RBFOX3: variants seen among roughly 807,000 people sequenced by gnomAD.
The protein encoded by RBFOX3 is RNA binding protein fox-1 homolog 3.
Under a neutral mutation model 48.7 loss-of-function variants are expected in RBFOX3, and 17 were observed. That is an observed-to-expected ratio of 0.35 (90% CI 0.24 to 0.52). The LOEUF (loss-of-function observed/expected upper bound fraction) is 0.52, where lower values mean the gene tolerates loss of function less well. Ranked by LOEUF, RBFOX3 falls within the 20% of genes least tolerant of loss-of-function variation. The probability of loss-of-function intolerance (pLI) is 0.94; values close to 1 mark genes in which losing one functional copy is unlikely to be tolerated. For missense variants in RBFOX3, 382 were observed against 497.5 expected (o/e 0.77, Z 2.21); for synonymous variants, 212 against 209.5 (o/e 1.01, Z -0.10).
intron 1 of RBFOX3, among the ~76,000 whole-genome samples, chr17:79,541,598 C>T (rs2089703516): frequency 6.6e-6 from 1 of 152,164 alleles, no homozygotes; most frequent in Admixed American, 6.5e-5. Context: ...CCTTGACACA[C>T]GAGCCCATGT....
intron 1 of RBFOX3, among the ~76,000 whole-genome samples, chr17:79,570,239 T>C (rs1004112799): frequency 1.3e-5 from 2 of 151,310 alleles, no homozygotes; most frequent in Non-Finnish European, 2.9e-5. Flanking sequence ...AGATGGATGG[T>C]ATATGAACAG....
intron 2 of RBFOX3, among the ~76,000 whole-genome samples, chr17:79,384,401 C>T (rs1370026836): frequency 2.0e-5 from 3 of 152,138 alleles, no homozygotes; most frequent in Non-Finnish European, 2.9e-5. Context: ...TTGTAAGGGG[C>T]TGGTCCACCT....
Position 79,090,707 on chromosome 17 carries a change from G to A in RBFOX3, c.*176C>T, listed in dbSNP as rs1488805269. The stretch of plus-strand genomic sequence containing the variant: ...GGCGCCCCTGCCGGCGTGCTCCCTC[G>A]GTGCGGGCGTGTGGCCAGGACGCGG... On this transcript the variant is annotated 3_prime_UTR_variant, in exon 15 of 15. Transcript: ENST00000693108. 7 of 779,320 alleles carry A rather than the reference G, an allele frequency of 9.0e-6. No individual in the cohort carries two copies. Among genetic ancestry groups the A allele is most frequent in the South Asian group, 8.0e-5 (4 of 49,876 alleles). 48.3% of individuals were successfully genotyped at this position (779,320 alleles called of 1,614,324 possible). A position where few individuals can be genotyped will look rare whatever the true frequency, so the allele number is the denominator to read the frequency against.
intron 4 of RBFOX3, among the ~76,000 whole-genome samples, chr17:79,227,580 C>G (rs1317399864): frequency 6.6e-6 from 1 of 152,230 alleles, no homozygotes; most frequent in East Asian, 1.9e-4. Flanking sequence ...CCCGCTCATT[C>G]CCGGCTGGCT....
At position 79,252,336 on chromosome 17, in the gene RBFOX3, G is replaced by C. The variant is rs2064096683; in HGVS notation, c.-73-16531C>G. Among the ~76,000 whole-genome samples, 1 of 152,152 alleles carries C rather than the reference G, an allele frequency of 6.6e-6. No homozygotes were observed. The highest frequency in any genetic ancestry group is 6.6e-5 in the Admixed American group (1 of 15,266). The stretch of plus-strand genomic sequence containing the variant: ...CCAGACTGCTCTGTCCCACATGGCT[G>C]AGGCTCAGGGTCTTCTCCCAGAAAC... On this transcript the variant is annotated intron_variant, in intron 3 of 14. Transcript: ENST00000693108. The surrounding 1 kb of genome is among the most constrained non-coding windows in gnomAD (Gnocchi z 4.0).
At chr17:79,654,601 G>T in the RBFOX3 span, among the ~76,000 whole-genome samples, 1 of 152,260 alleles carries the variant, frequency 6.6e-6, no homozygotes, top group East Asian at 1.9e-4. Flanking sequence ...TCGGTGTAAG[G>T]GAAGGAGTCC....
chr17:79,169,767 A>T (rs1176165514), intron 4 of RBFOX3, among the ~76,000 whole-genome samples: 3 of 152,218 alleles, frequency 2.0e-5, no homozygotes, highest in Admixed American at 6.5e-5. Context: ...TCTTGTTAAG[A>T]TGGTGAAAAT....
chr17:79,619,806 C>T, the RBFOX3 span, among the ~76,000 whole-genome samples: 1 of 152,170 alleles, frequency 6.6e-6, no homozygotes, highest in African/African-American at 2.4e-5. Context: ...ATCTCCCCTC[C>T]TCCAGCCCTG....
At chr17:79,145,707 C>T (rs1457303536) in intron 4 of RBFOX3, among the ~76,000 whole-genome samples, 1 of 152,224 alleles carries the variant, frequency 6.6e-6, no homozygotes, top group African/African-American at 2.4e-5. Context: ...ACAGGCAAGG[C>T]GTTCGGCAAA....
chr17:79,545,322 G>A (rs1452119760), intron 1 of RBFOX3, among the ~76,000 whole-genome samples: 5 of 152,304 alleles, frequency 3.3e-5, no homozygotes, highest in East Asian at 1.9e-4. Flanking sequence ...GGCCAGCCGT[G>A]TTTGGGTTTT....
At chr17:79,200,549 G>A (rs576569416) in intron 4 of RBFOX3, among the ~76,000 whole-genome samples, 1 of 152,302 alleles carries the variant, frequency 6.6e-6, no homozygotes, top group South Asian at 2.1e-4. Context: ...GCAGAAGCCA[G>A]GGACCCCACA....
At chr17:79,308,096 A>C (rs1241915562) in intron 2 of RBFOX3, among the ~76,000 whole-genome samples, 1 of 152,184 alleles carries the variant, frequency 6.6e-6, no homozygotes, top group African/African-American at 2.4e-5. Context: ...TCAAAACCGA[A>C]GCTGGGGTCA....
intron 3 of RBFOX3, among the ~76,000 whole-genome samples, chr17:79,263,940 G>A (rs768459676): frequency 6.6e-6 from 1 of 152,070 alleles, no homozygotes; most frequent in Non-Finnish European, 1.5e-5. Flanking sequence ...CTTTATAAGA[G>A]AAAGGAGGGA....
chr17:79,192,003 C>T (rs2054614918), intron 4 of RBFOX3, among the ~76,000 whole-genome samples: 2 of 152,104 alleles, frequency 1.3e-5, no homozygotes, highest in South Asian at 4.1e-4. Context: ...AGGGGAAGTG[C>T]CTATCTGGTG....
chr17:79,160,464 T>C (rs2046750433), intron 4 of RBFOX3, among the ~76,000 whole-genome samples: 1 of 152,212 alleles, frequency 6.6e-6, no homozygotes, highest in Non-Finnish European at 1.5e-5. Context: ...TTCTAAGAGC[T>C]GGGCAGTCCC....
At chr17:79,582,559 T>C (rs1462264003) in intron 1 of RBFOX3, among the ~76,000 whole-genome samples, 3 of 152,046 alleles carry the variant, frequency 2.0e-5, no homozygotes, top group African/African-American at 7.2e-5. Flanking sequence ...TCCCAGCACT[T>C]TGGGAGGCTG....
intron 3 of RBFOX3, among the ~76,000 whole-genome samples, chr17:79,304,646 A>G (rs921829413): frequency 1.3e-5 from 2 of 152,204 alleles, no homozygotes; most frequent in Non-Finnish European, 2.9e-5. Flanking sequence ...GTAATAATAA[A>G]AAGATACTGA....
At position 79,300,407 on chromosome 17, in the gene RBFOX3, G is replaced by A. The variant is rs1370915389; in HGVS notation, c.-74+7317C>T. Among the ~76,000 whole-genome samples the A allele has an allele frequency of 2.6e-5, 4 of 152,186 alleles. No individual in the cohort carries two copies. In the East Asian group the frequency reaches 5.8e-4, roughly 22 times the overall value. On this transcript the variant is annotated intron_variant, in intron 3 of 14. Coordinates refer to ENST00000693108, the MANE Select transcript of RBFOX3 (RefSeq NM_001350451.2). Reference sequence around the variant, plus strand: ...GAAAGGGAAGTGGGTGATTCCACCCGAAGTGGGGAGATGTGATCCTATTAA... The same window carrying A: ...GAAAGGGAAGTGGGTGATTCCACCCAAAGTGGGGAGATGTGATCCTATTAA...
At position 79,249,780 on chromosome 17, in the gene RBFOX3, G is replaced by C. The variant is rs1292096818; in HGVS notation, c.-73-13975C>G. The stretch of plus-strand genomic sequence containing the variant: ...TCCCGACCAAACCTGGTACCTCCCT[G>C]TGTGTCCCTGATGCCGAGTTCCCTG... On this transcript the variant is annotated intron_variant, in intron 3 of 14. Transcript: ENST00000693108. This position sits in a 1 kb window ranked among gnomAD's most constrained non-coding sequence, Gnocchi z 4.1. Among the ~76,000 whole-genome samples the C allele has an allele frequency of 6.6e-6, 1 of 152,074 alleles. No individual in the cohort carries two copies. Among genetic ancestry groups the C allele is most frequent in the African/African-American group, 2.4e-5 (1 of 41,382 alleles).
Sources: allele counts gnomAD v4.1 joint callset (sites outside exome capture counted in the v4.1 genomes callset), GRCh38; gene constraint gnomAD v4.1.1; non-coding constraint Gnocchi (gnomAD v3.1); transcripts MANE v1.5; gene names NCBI Gene and HGNC (gene_info 2026-07-23, HGNC 2026-07-21).